The following ZNF574 variants were observed in gnomAD, a reference collection of about 807,000 sequenced individuals.
ZNF574 encodes the protein zinc finger protein 574.
ZNF574 carries 25 observed loss-of-function variants against 56.6 expected under a neutral mutation model. That is an observed-to-expected ratio of 0.44 (90% confidence interval 0.32 to 0.62). The LOEUF (loss-of-function observed/expected upper bound fraction) is 0.62, where lower values mean the gene tolerates loss of function less well. Ranked by LOEUF, ZNF574 falls within the 20% of genes least tolerant of loss-of-function variation. The pLI, the probability that ZNF574 is intolerant of heterozygous loss-of-function variation, is 0.04. For missense variants in ZNF574, 1,065 were observed against 1,218.9 expected (o/e 0.87, Z 1.88); for synonymous variants, 543 against 492.1 (o/e 1.10, Z -1.37).
rs779700051 is a variant in ZNF574, at chr19:42,080,276, G to A, written c.1670G>A (p.Gly557Asp). The change falls in exon 2 of 2, where the codon GGC (glycine) becomes GAC (aspartate). Residue 557 changes from glycine to aspartate, a missense_variant. Coordinates refer to ENST00000359044, the MANE Select transcript of ZNF574 (RefSeq NM_022752.6). This position sits in a 1 kb window ranked among gnomAD's most constrained non-coding sequence, Gnocchi z 8.5. ...CGGCCCTACCGGTGTGGGGACTGTG[G>A]CAAGGCTTTCACGCAAAGCTCCACA... ...GERPYRCGDC[G>D]KAFTQSSTLR... is the part of the protein sequence containing the mutation. The A allele has an allele frequency of 6.2e-7, 1 of 1,614,118 alleles. No individual in the cohort carries two copies. The highest frequency in any genetic ancestry group is 8.5e-7 in the Non-Finnish European group (1 of 1,180,018).
Position 42,069,900 on chromosome 19 carries a change from C to T in ZNF574, c.250+939C>T, listed in dbSNP as rs936301529. On this transcript the variant is annotated intron_variant, in intron 1 of 1. Transcript: ENST00000222339. ...GGGGAGGATGGAGAGCTGGGAGACCCGGAGAGGCCAAGAAGGGGGCAAATG... is the reference window on the plus strand; with the variant it reads ...GGGGAGGATGGAGAGCTGGGAGACCTGGAGAGGCCAAGAAGGGGGCAAATG... 2.6e-5 allele frequency among the ~76,000 whole-genome samples: 4 copies of T among 152,004 alleles called. 1 individual carries two copies. Among genetic ancestry groups the T allele is most frequent in the South Asian group, 4.1e-4 (2 of 4,824 alleles).
At chr19:42,073,106 T>C (rs1332873950), upstream of ZNF574, among the ~76,000 whole-genome samples, 6 of 152,220 alleles carry the variant, frequency 3.9e-5, no homozygotes, top group African/African-American at 1.4e-4. Flanking sequence ...ATGCAACCAC[T>C]TGAACTTCCT....
Position 42,070,161 on chromosome 19 carries a change from C to T in ZNF574, c.250+1200C>T, listed in dbSNP as rs376727659. Among the ~76,000 whole-genome samples the T allele has an allele frequency of 8.3e-3, 1,256 of 152,112 alleles. 18 individuals are homozygous for T. Among genetic ancestry groups the T allele is most frequent in the African/African-American group, 0.028 (1,178 of 41,476 alleles). On this transcript the variant is annotated intron_variant, in intron 1 of 1. Coordinates refer to the ZNF574 transcript ENST00000222339. ...CGCTCAGTCTCCCCTCCGAGGCCGCCGCCTGCCTGCCCGCCTGCCGCCTGC... is the reference window on the plus strand; with the variant it reads ...CGCTCAGTCTCCCCTCCGAGGCCGCTGCCTGCCTGCCCGCCTGCCGCCTGC...
chr19:42,079,134 A>G lies in ZNF574; in HGVS notation c.528A>G (p.Arg176=). 1 of 1,613,948 alleles carries G rather than the reference A, an allele frequency of 6.2e-7. No individual in the cohort carries two copies. The highest frequency in any genetic ancestry group is 8.5e-7 in the Non-Finnish European group (1 of 1,179,920). The stretch of plus-strand genomic sequence containing the variant: ...TAGGGCCTCCTGTGGGCCAGGCCCG[A>G]GTGGCTGTGGAGCACTCATACCGAA... ...VVLGPPVGQA[R]VAVEHSYRKA... is the part of the protein sequence containing the mutation. The change falls in exon 2 of 2, where the codon CGA becomes CGG. Residue 176 remains arginine, a synonymous_variant. Coordinates refer to ENST00000359044, the MANE Select transcript of ZNF574 (RefSeq NM_022752.6). This position sits in a 1 kb window ranked among gnomAD's most constrained non-coding sequence, Gnocchi z 4.3.
At position 42,079,032 on chromosome 19, in the gene ZNF574, G is replaced by A. The variant is rs2076475150; in HGVS notation, c.426G>A (p.Leu142=). The A allele has an allele frequency of 1.9e-6, 3 of 1,614,128 alleles. No homozygotes were observed. Among genetic ancestry groups the A allele is most frequent in the Non-Finnish European group, 2.5e-6 (3 of 1,179,992 alleles). The change falls in exon 2 of 2, where the codon CTG becomes CTA. Residue 142 remains leucine (L), a synonymous_variant. Coordinates refer to ENST00000359044, the MANE Select transcript of ZNF574 (RefSeq NM_022752.6). The surrounding 1 kb of genome is among the most constrained non-coding windows in gnomAD (Gnocchi z 4.3). ...KALFASQELW[L]NHRQTHLRAT... is the part of the protein sequence containing the mutation. ...TCTTTGCCAGCCAGGAGCTCTGGCTGAACCACCGGCAGACGCACCTCCGGG... is the reference window on the plus strand; with the variant it reads ...TCTTTGCCAGCCAGGAGCTCTGGCTAAACCACCGGCAGACGCACCTCCGGG...
At chr19:42,073,951 T>G (rs149944786), upstream of ZNF574, among the ~76,000 whole-genome samples, 1 of 147,246 alleles carries the variant, frequency 6.8e-6, no homozygotes, top group African/African-American at 2.5e-5. Context: ...TGGCCAACAT[T>G]GCAAAAACCT....
At chr19:42,075,828 G>A (rs2076451191), upstream of ZNF574, among the ~76,000 whole-genome samples, 1 of 152,192 alleles carries the variant, frequency 6.6e-6, no homozygotes, top group Non-Finnish European at 1.5e-5. Context: ...CCGCGGCCGC[G>A]CTCCGCCGCC....
At chr19:42,077,379 C>T (rs2076463359) in intron 1 of ZNF574, among the ~76,000 whole-genome samples, 1 of 151,742 alleles carries the variant, frequency 6.6e-6, no homozygotes, top group Non-Finnish European at 1.5e-5. Flanking sequence ...TATGTTGCTA[C>T]GAAGAGGAGG....
upstream of ZNF574, among the ~76,000 whole-genome samples, chr19:42,073,174 G>C (rs1353673704): frequency 6.6e-6 from 1 of 152,202 alleles, no homozygotes; most frequent in Non-Finnish European, 1.5e-5. Context: ...TCAACTCCTG[G>C]GTTGGAATCC....
In ZNF574 at chr19:42,081,041, A is replaced by G. The variant is rs754104484; in HGVS notation, c.2435A>G (p.His812Arg). Residue 812 changes from histidine (H) to arginine (R), a missense_variant, in exon 2 of 2, where the codon CAT becomes CGT. His to Arg is a conservative substitution (Grantham distance 29, BLOSUM62 0). Transcript: ENST00000359044. ...GCCATCTCCATGCGCCTGGCAGAAC[A>G]TCGCCGCATCCACACAGGCGAACGA... is the stretch of plus-strand genomic sequence containing the variant. ...AFAISMRLAE[H>R]RRIHTGERPY... The G allele has an allele frequency of 1.2e-6, 2 of 1,614,164 alleles. No homozygotes were observed. Among genetic ancestry groups the G allele is most frequent in the South Asian group, 1.1e-5 (1 of 91,092 alleles).
rs2146221101 is a variant in ZNF574 at position 42,081,226 on chromosome 19, G to T, written c.2620G>T (p.Ala874Ser). ...GLAVMETAVEALPLVEAIEIY... is the reference protein window; with the variant it reads ...GLAVMETAVESLPLVEAIEIY... ...GGCCGTCATGGAGACTGCTGTGGAG[G>T]CGCTACCCCTGGTGGAAGCCATTGA... The change falls in exon 2 of 2, where the codon GCG (alanine) becomes TCG (serine). Residue 874 changes from alanine to serine, a missense_variant. By Grantham distance (99) the Ala-to-Ser change is moderately conservative (BLOSUM62 1). Transcript: ENST00000359044. The T allele has an allele frequency of 6.2e-7, 1 of 1,613,600 alleles. No homozygotes were observed. The highest frequency in any genetic ancestry group is 2.2e-5 in the East Asian group (1 of 44,738).
At chr19:42,069,552 G>C (rs1180349389) in intron 1 of ZNF574, 1 of 137,672 alleles carries the variant, frequency 7.3e-6, no homozygotes, top group Non-Finnish European at 1.6e-5. Flanking sequence ...GAAAGGAGGA[G>C]AGGAAGGTGA....
chr19:42,068,836 G>A (rs896826973), exon 1 of ZNF574: 11 of 665,572 alleles, frequency 1.7e-5, no homozygotes, highest in African/African-American at 7.2e-5. Flanking sequence ...GAGACTGGAC[G>A]GGGTGGGGAC....
chr19:42,075,769 T>A (rs918148998), upstream of ZNF574, among the ~76,000 whole-genome samples: 10 of 151,954 alleles, frequency 6.6e-5, no homozygotes, highest in Admixed American at 6.6e-4. Flanking sequence ...TTTTCCTCCC[T>A]CTCCCTGTCC....
Position 42,080,830 on chromosome 19 carries a change from G to C in ZNF574, c.2224G>C (p.Glu742Gln). Residue 742 changes from glutamate (E) to glutamine (Q), a missense_variant, in exon 2 of 2, where the codon GAG becomes CAG. Glu to Gln is a conservative substitution (Grantham distance 29). Transcript: ENST00000359044. The surrounding 1 kb of genome is among the most constrained non-coding windows in gnomAD (Gnocchi z 8.5). The stretch of plus-strand genomic sequence containing the variant: ...CCGCCGCCGGGGTCTAGAGTGCAGC[G>C]AGTGCAAGAAGCTGTTCAGCACAGA... ...PARRRGLECS[E>Q]CKKLFSTETS... 16 of 1,614,076 alleles carry C rather than the reference G, an allele frequency of 9.9e-6. No individual in the cohort carries two copies. Among genetic ancestry groups the C allele is most frequent in the Non-Finnish European group, 1.4e-5 (16 of 1,180,036 alleles).
exon 1 of ZNF574, chr19:42,068,759 G>A: frequency 3.8e-6 from 2 of 524,704 alleles, no homozygotes; most frequent in South Asian, 5.1e-5. Flanking sequence ...GTTGGGCAGA[G>A]TCAGAGAGGG....
Position 42,081,056 on chromosome 19 carries a change from C to G in ZNF574, c.2450C>G (p.Thr817Arg). 2 of 1,614,200 alleles carry G rather than the reference C, an allele frequency of 1.2e-6. No homozygotes were observed. The highest frequency in any genetic ancestry group is 1.7e-6 in the Non-Finnish European group (2 of 1,180,048). Reference protein sequence around the residue: ...MRLAEHRRIHTGERPYSCPDC... With the variant: ...MRLAEHRRIHRGERPYSCPDC... ...CTGGCAGAACATCGCCGCATCCACACAGGCGAACGACCCTACTCCTGCCCT... is the reference window on the plus strand; with the variant it reads ...CTGGCAGAACATCGCCGCATCCACAGAGGCGAACGACCCTACTCCTGCCCT... Residue 817 changes from threonine to arginine, a missense_variant, in exon 2 of 2, where the codon ACA becomes AGA. Transcript: ENST00000359044.
rs1188585452 is a variant in ZNF574 at position 42,080,169 on chromosome 19, G to A, written c.1563G>A (p.Arg521=). Residue 521 remains arginine (R), a synonymous_variant, in exon 2 of 2, where the codon CGG becomes CGA. Coordinates refer to ENST00000359044, the MANE Select transcript of ZNF574 (RefSeq NM_022752.6). The surrounding 1 kb of genome is among the most constrained non-coding windows in gnomAD (Gnocchi z 8.5). ...RNHLRTHTGE[R]PFPCPDCSKP... Reference sequence around the variant, plus strand: ...ACCTGCGCACACACACAGGGGAGCGGCCCTTCCCCTGCCCTGACTGCTCCA... The same window carrying A: ...ACCTGCGCACACACACAGGGGAGCGACCCTTCCCCTGCCCTGACTGCTCCA... The A allele has an allele frequency of 6.2e-7, 1 of 1,613,836 alleles. No homozygotes were observed. Among genetic ancestry groups the A allele is most frequent in the African/African-American group, 1.3e-5 (1 of 74,886 alleles).
intron 1 of ZNF574, among the ~76,000 whole-genome samples, chr19:42,077,741 C>T (rs1282166770): frequency 6.6e-6 from 1 of 151,856 alleles, no homozygotes; most frequent in East Asian, 1.9e-4. Flanking sequence ...AGGTCCGAAG[C>T]GGGGAGGAGT....
Sources: allele counts gnomAD v4.1 joint callset (sites outside exome capture counted in the v4.1 genomes callset), GRCh38; gene constraint gnomAD v4.1.1; non-coding constraint Gnocchi (gnomAD v3.1); transcripts MANE v1.5; gene names NCBI Gene and HGNC (gene_info 2026-07-23, HGNC 2026-07-21).